RBFOX1: variants seen among roughly 807,000 people sequenced by gnomAD.
RBFOX1 encodes RNA binding fox-1 homolog 1.
RBFOX1 carries 8 observed loss-of-function variants against 57.7 expected under a neutral mutation model. The ratio of observed to expected loss-of-function variants is 0.14; its 90% CI spans 0.08 to 0.25. The LOEUF (loss-of-function observed/expected upper bound fraction) is 0.25, where lower values mean the gene tolerates loss of function less well. Ranked by LOEUF, RBFOX1 falls within the 10% of genes least tolerant of loss-of-function variation. RBFOX1 has a pLI of 1.00. For synonymous variants in RBFOX1, 326 were observed against 222.4 expected, an observed-to-expected ratio of 1.47 and a Z score of -4.15; for missense variants, 611 against 548.5, an observed-to-expected ratio of 1.11 and a Z score of -1.14.
chr16:7,003,205 A>G (rs1228636636), intron 3 of RBFOX1, among the ~76,000 whole-genome samples: 4 of 152,174 alleles, frequency 2.6e-5, no homozygotes, highest in South Asian at 2.1e-4. Context: ...TCACGCCTGT[A>G]ATCCCAGCAC....
intron 1 of RBFOX1, among the ~76,000 whole-genome samples, chr16:5,300,243 G>C (rs1184071737): frequency 6.6e-6 from 1 of 152,118 alleles, no homozygotes; most frequent in Non-Finnish European, 1.5e-5. Flanking sequence ...CTTTCATGAA[G>C]GGTATTGATG....
intron 1 of RBFOX1, among the ~76,000 whole-genome samples, chr16:6,096,670 T>C (rs2096248573): frequency 6.6e-6 from 1 of 152,330 alleles, no homozygotes; most frequent in South Asian, 2.1e-4. Context: ...TTACAGTTTA[T>C]CATGTACCGA....
intron 1 of RBFOX1, among the ~76,000 whole-genome samples, chr16:5,304,187 A>T (rs2063874669): frequency 6.6e-6 from 1 of 152,188 alleles, no homozygotes; most frequent in Non-Finnish European, 1.5e-5. Context: ...AGTGAGTTTT[A>T]TTGGAATCTG....
chr16:6,225,775 G>A (rs1006363756), intron 1 of RBFOX1, among the ~76,000 whole-genome samples: 8 of 152,188 alleles, frequency 5.3e-5, no homozygotes, highest in African/African-American at 1.9e-4. Context: ...GATCATGTCA[G>A]AAAGCAAAAG....
intron 3 of RBFOX1, among the ~76,000 whole-genome samples, chr16:6,666,273 C>T (rs1429391062): frequency 1.3e-5 from 2 of 152,146 alleles, no homozygotes; most frequent in Non-Finnish European, 2.9e-5. Context: ...GTGGCTCATG[C>T]CTATAATCCC....
intron 3 of RBFOX1, among the ~76,000 whole-genome samples, chr16:6,740,334 C>A (rs1284564625): frequency 6.6e-6 from 1 of 151,990 alleles, no homozygotes; most frequent in Non-Finnish European, 1.5e-5. Flanking sequence ...AATGATTTCC[C>A]CTTAAATACA....
At chr16:7,425,240 C>T (rs1490601715) in intron 4 of RBFOX1, among the ~76,000 whole-genome samples, 5 of 152,108 alleles carry the variant, frequency 3.3e-5, no homozygotes, top group East Asian at 3.9e-4. Context: ...TTACAGCATG[C>T]GGATTTACAA....
chr16:6,361,194 A>C (rs925598410), intron 2 of RBFOX1, among the ~76,000 whole-genome samples: 1 of 152,054 alleles, frequency 6.6e-6, no homozygotes, highest in African/African-American at 2.4e-5. Context: ...GCTCAAAAGG[A>C]ATGGGACCCA....
chr16:7,167,061 C>A (rs1174485898), intron 4 of RBFOX1, among the ~76,000 whole-genome samples: 1 of 135,570 alleles, frequency 7.4e-6, no homozygotes, highest in African/African-American at 2.8e-5. Context: ...TCTCAGCTCG[C>A]TGCAACCTCC....
intron 3 of RBFOX1, among the ~76,000 whole-genome samples, chr16:5,718,125 G>A (rs923812156): frequency 1.3e-5 from 2 of 152,180 alleles, no homozygotes; most frequent in African/African-American, 2.4e-5. Context: ...TCTTTACATA[G>A]GGGGCTTTCC....
At chr16:5,478,152 C>G (rs949291716) in intron 2 of RBFOX1, among the ~76,000 whole-genome samples, 3 of 152,170 alleles carry the variant, frequency 2.0e-5, no homozygotes, top group Non-Finnish European at 4.4e-5. Flanking sequence ...GTTATGTCCT[C>G]CCTTGGGGCT....
intron 12 of RBFOX1, among the ~76,000 whole-genome samples, chr16:7,659,434 G>A (rs959242476): frequency 6.6e-6 from 1 of 152,078 alleles, no homozygotes; most frequent in African/African-American, 2.4e-5. Context: ...ACTGTATTTA[G>A]TATAAATACT....
At chr16:7,450,789 T>C (rs755766973) in intron 4 of RBFOX1, among the ~76,000 whole-genome samples, 6 of 152,044 alleles carry the variant, frequency 3.9e-5, no homozygotes, top group South Asian at 2.1e-4. Flanking sequence ...CCAGTAGACA[T>C]TGAAGAGGCT....
chr16:6,594,442 G>GT (rs113195131), intron 2 of RBFOX1, among the ~76,000 whole-genome samples: 2 of 151,902 alleles, frequency 1.3e-5, no homozygotes, highest in Non-Finnish European at 2.9e-5. Flanking sequence ...TGGTGGGGGG[G>GT]TCTGTGGCAA....
intron 1 of RBFOX1, among the ~76,000 whole-genome samples, chr16:5,318,609 C>G (rs191411899): frequency 2.0e-5 from 3 of 152,200 alleles, no homozygotes; most frequent in East Asian, 1.9e-4. Context: ...AAAAACAAAA[C>G]AAAACACTTT....
At chr16:7,033,373 A>C (rs1394617516) in intron 3 of RBFOX1, among the ~76,000 whole-genome samples, 1 of 152,182 alleles carries the variant, frequency 6.6e-6, no homozygotes, top group Non-Finnish European at 1.5e-5. Context: ...TACAAAAATT[A>C]GCCAGATGTG....
intron 1 of RBFOX1, among the ~76,000 whole-genome samples, chr16:5,282,666 A>G (rs1415819078): frequency 6.6e-6 from 1 of 152,134 alleles, no homozygotes; most frequent in Non-Finnish European, 1.5e-5. Context: ...AACTTGAGAG[A>G]GATGATTTAG....
intron 2 of RBFOX1, among the ~76,000 whole-genome samples, chr16:6,410,873 C>G (rs2093438505): frequency 6.6e-6 from 1 of 152,146 alleles, no homozygotes; most frequent in African/African-American, 2.4e-5. Flanking sequence ...CCCCTCTGAG[C>G]TTCAGGTTTC....
At position 7,676,784 on chromosome 16, in the gene RBFOX1, C is replaced by A; in HGVS notation, c.941C>A (p.Ala314Asp). The change falls in exon 14 of 16, where the codon GCT (alanine) becomes GAT (aspartate). Residue 314 changes from alanine to aspartate, a missense_variant. This residue lies in a region of RBFOX1 where 267 missense variants were observed against 229.1 expected (regional missense o/e 1.17). Transcript: ENST00000550418. ...CTCCTTGTGTTTTAGGGTGGTTATG[C>A]TGCATACCGCTACGCCCAGCCTACC... ...FYGADIYGGY[A>D]AYRYAQPTPA... is the part of the protein sequence containing the mutation. 6.2e-7 allele frequency: 1 copy of A among 1,612,976 alleles called. No individual in the cohort carries two copies. The highest frequency in any genetic ancestry group is 8.5e-7 in the Non-Finnish European group (1 of 1,179,256).
Sources: gnomAD v4.1 joint callset for allele counts (sites outside exome capture counted in the v4.1 genomes callset) on GRCh38, gnomAD v4.1.1 for gene constraint, gnomAD v4.1.1 regional missense constraint, MANE v1.5 for transcripts, NCBI Gene and HGNC (gene_info 2026-07-23, HGNC 2026-07-21) for gene names.